RIT2: variants seen among roughly 807,000 people sequenced by gnomAD.
RIT2 encodes Ras like without CAAX 2, also known as GTP-binding protein Rit2.
A neutral mutation model predicts 23.7 loss-of-function variants in RIT2; 24 were observed. That is an observed-to-expected ratio of 1.01 (90% CI 0.73 to 1.43). RIT2 has a LOEUF of 1.43. RIT2 is among the 40% of genes most tolerant of loss of function. RIT2 has a pLI of 0.00. For missense variants in RIT2, 236 were observed against 266.9 expected (o/e 0.88, Z 0.81); for synonymous variants, 107 against 91.1 (o/e 1.17, Z -0.99).
At chr18:42,821,865 GA>G (rs1906162217) in intron 4 of RIT2, among the ~76,000 whole-genome samples, 1 of 152,088 alleles carries the variant, frequency 6.6e-6, no homozygotes, top group Non-Finnish European at 1.5e-5. Context: ...GGAACTAAAT[GA>G]AGTAAAAAAC....
chr18:42,779,842 C>T (rs1227728649), intron 4 of RIT2, among the ~76,000 whole-genome samples: 1 of 152,056 alleles, frequency 6.6e-6, no homozygotes, highest in Non-Finnish European at 1.5e-5. Flanking sequence ...TCTGACTTTG[C>T]CACTAACTGC....
At chr18:42,917,238 C>G (rs1908933950) in intron 4 of RIT2, among the ~76,000 whole-genome samples, 1 of 152,090 alleles carries the variant, frequency 6.6e-6, no homozygotes, top group South Asian at 2.1e-4. Context: ...AGTAACAATT[C>G]AAACCCAGGA....
intron 3 of RIT2, among the ~76,000 whole-genome samples, chr18:42,961,843 T>G (rs1338149013): frequency 6.6e-6 from 1 of 152,212 alleles, no homozygotes; most frequent in Non-Finnish European, 1.5e-5. Flanking sequence ...TGGAGCAACC[T>G]CCCAAAGTGG....
At chr18:43,100,134 C>T (rs1038546149) in intron 1 of RIT2, among the ~76,000 whole-genome samples, 28 of 151,956 alleles carry the variant, frequency 1.8e-4, no homozygotes, top group Non-Finnish European at 2.6e-4. Flanking sequence ...ACCAAAGAAA[C>T]GGAGATTTGG....
chr18:43,053,271 C>T (rs923076802), intron 1 of RIT2, among the ~76,000 whole-genome samples: 9 of 151,996 alleles, frequency 5.9e-5, no homozygotes, highest in Non-Finnish European at 1.0e-4. Context: ...GTTATGCTCA[C>T]TTCATAAATA....
intron 3 of RIT2, among the ~76,000 whole-genome samples, chr18:42,928,603 T>C (rs1245986302): frequency 6.6e-6 from 1 of 151,950 alleles, no homozygotes; most frequent in Non-Finnish European, 1.5e-5. Context: ...ATCTTTTAAA[T>C]GAAAATACAG....
chr18:42,934,292 G>C (rs1443223209), intron 3 of RIT2, among the ~76,000 whole-genome samples: 3 of 152,096 alleles, frequency 2.0e-5, no homozygotes, highest in Non-Finnish European at 4.4e-5. Context: ...CAGGTGAGCT[G>C]TTCCATAACA....
chr18:43,094,138 T>C (rs1334957602), intron 1 of RIT2, among the ~76,000 whole-genome samples: 1 of 150,052 alleles, frequency 6.7e-6, no homozygotes, highest in African/African-American at 2.4e-5. Flanking sequence ...TTTTTTTTTT[T>C]TTCACTTTGC....
chr18:42,962,724 A>T (rs985352818), intron 3 of RIT2, among the ~76,000 whole-genome samples: 2 of 152,190 alleles, frequency 1.3e-5, no homozygotes, highest in African/African-American at 4.8e-5. Context: ...ATTTAGTTTC[A>T]AACCGTCATT....
intron 3 of RIT2, among the ~76,000 whole-genome samples, chr18:42,934,983 A>G (rs929406157): frequency 2.0e-5 from 3 of 152,316 alleles, no homozygotes; most frequent in African/African-American, 7.2e-5. Flanking sequence ...AGCAGAAAAA[A>G]GCGATAAATA....
intron 1 of RIT2, among the ~76,000 whole-genome samples, chr18:43,049,326 T>G (rs1022110928): frequency 6.6e-6 from 1 of 152,206 alleles, no homozygotes; most frequent in Non-Finnish European, 1.5e-5. Flanking sequence ...AAATGCTGCT[T>G]CATTAAATTA....
At chr18:42,970,863 T>C (rs1021595341) in intron 3 of RIT2, among the ~76,000 whole-genome samples, 1 of 152,004 alleles carries the variant, frequency 6.6e-6, no homozygotes, top group Non-Finnish European at 1.5e-5. Flanking sequence ...AAAGCTTTGG[T>C]CAAATAAAGC....
rs534252572 is a variant in RIT2 at position 42,827,898 on chromosome 18, G to A, written c.427-84178C>T. Among the ~76,000 whole-genome samples the A allele has an allele frequency of 1.6e-3, 239 of 151,438 alleles. 4 individuals carry two copies. Among genetic ancestry groups the A allele is most frequent in the African/African-American group, 5.6e-3 (233 of 41,294 alleles). Reference sequence around the variant, plus strand: ...CACGCGCCTGTAGTCCCAGCTACTCGGGAGGCTGAGGCAGGAGAATGGTGC... The same window carrying A: ...CACGCGCCTGTAGTCCCAGCTACTCAGGAGGCTGAGGCAGGAGAATGGTGC... On this transcript the variant is annotated intron_variant, in intron 4 of 4. Coordinates refer to ENST00000326695, the MANE Select transcript of RIT2 (RefSeq NM_002930.4).
intron 2 of RIT2, among the ~76,000 whole-genome samples, chr18:42,998,533 C>T (rs954171370): frequency 6.6e-6 from 1 of 151,984 alleles, no homozygotes; most frequent in African/African-American, 2.4e-5. Flanking sequence ...ATCTGATTTT[C>T]TGGAAATAGG....
At chr18:42,776,274 C>A (rs1199488192) in intron 4 of RIT2, among the ~76,000 whole-genome samples, 1 of 152,156 alleles carries the variant, frequency 6.6e-6, no homozygotes, top group Non-Finnish European at 1.5e-5. Flanking sequence ...TTCATTCATT[C>A]ACTTATTTAT....
At chr18:43,049,924 C>T (rs1055628284) in intron 1 of RIT2, among the ~76,000 whole-genome samples, 10 of 135,320 alleles carry the variant, frequency 7.4e-5, no homozygotes, top group Admixed American at 5.5e-4. Flanking sequence ...TATCATTAAA[C>T]ATTTTAAACT....
intron 4 of RIT2, among the ~76,000 whole-genome samples, chr18:42,853,648 C>G (rs1598683912): frequency 6.6e-6 from 1 of 152,128 alleles, no homozygotes; most frequent in South Asian, 2.1e-4. Flanking sequence ...TATTTGGTCT[C>G]TACAGCAGAA....
rs191863123 is a variant in RIT2, at chr18:42,900,196, G to A, written c.426+23376C>T. On this transcript the variant is annotated intron_variant, in intron 4 of 4. Transcript: ENST00000326695. Reference sequence around the variant, plus strand: ...TTTTCATTCTACGAAATTTAATGCTGTATAATTTTTGAAGAAATTTCTGCT... The same window carrying A: ...TTTTCATTCTACGAAATTTAATGCTATATAATTTTTGAAGAAATTTCTGCT... Among the ~76,000 whole-genome samples the A allele has an allele frequency of 3.0e-4, 46 of 152,120 alleles. No individual in the cohort carries two copies. In the South Asian group the frequency reaches 3.5e-3, roughly 12 times the overall value.
At chr18:42,817,129 G>A (rs1202642803) in intron 4 of RIT2, among the ~76,000 whole-genome samples, 1 of 151,862 alleles carries the variant, frequency 6.6e-6, no homozygotes, top group African/African-American at 2.4e-5. Context: ...GAACTTCAGG[G>A]AGAAAAAAGG....
Sources: allele counts gnomAD v4.1 joint callset (sites outside exome capture counted in the v4.1 genomes callset), GRCh38; gene constraint gnomAD v4.1.1; transcripts MANE v1.5; gene names NCBI Gene and HGNC (gene_info 2026-07-23, HGNC 2026-07-21).